WIPF2: variants seen among roughly 807,000 people sequenced by gnomAD.
WIPF2 encodes WAS/WASL interacting protein family member 2.
In WIPF2, 23 loss-of-function variants were observed where a neutral mutation model predicts 38.8. The ratio of observed to expected loss-of-function variants is 0.59; its 90% CI spans 0.43 to 0.84. WIPF2 has a LOEUF of 0.84. Among genes scored for constraint, WIPF2 ranks in the 40% least tolerant of loss-of-function variants. The pLI, the probability that WIPF2 is intolerant of heterozygous loss-of-function variation, is 0.00. For missense variants in WIPF2, 574 were observed against 580.5 expected (o/e 0.99, Z 0.11); for synonymous variants, 210 against 223.2 (o/e 0.94, Z 0.53).
At chr17:40,234,581 C>T (rs1235551299) in intron 1 of WIPF2, among the ~76,000 whole-genome samples, 1 of 152,006 alleles carries the variant, frequency 6.6e-6, no homozygotes, top group East Asian at 1.9e-4. Context: ...GCCATGATCA[C>T]ACCACTGCAC....
intron 3 of WIPF2, among the ~76,000 whole-genome samples, chr17:40,261,672 TTTTTTTTTGG>T (rs2031905740): frequency 6.9e-6 from 1 of 145,548 alleles, no homozygotes; most frequent in African/African-American, 2.6e-5. Context: ...GTTGTTGTTT[TTTTTTTTTGG>T]TTTTTTTTGT....
In WIPF2 at chr17:40,254,099, C is replaced by T. The variant is rs954126991; in HGVS notation, c.-69-2292C>T. ...TGGTGCGTTCTGGGCTTACTGCAAC[C>T]TCCGCCTCCCGGGTTCAAGCAACTC... On this transcript the variant is annotated intron_variant, in intron 1 of 7. Coordinates refer to ENST00000323571, the MANE Select transcript of WIPF2 (RefSeq NM_133264.5). Among the ~76,000 whole-genome samples, 7 of 151,718 alleles carry T rather than the reference C, an allele frequency of 4.6e-5. No individual in the cohort carries two copies. The East Asian group carries it at 7.7e-4, about 17-fold the overall frequency.
Position 40,219,404 on chromosome 17 carries a change from C to T in WIPF2, c.-158C>T. 4 of 406,568 alleles carry T rather than the reference C, an allele frequency of 9.8e-6. No homozygotes were observed. The highest frequency in any genetic ancestry group is 5.5e-5 in the East Asian group (1 of 18,116). The allele number at this position is 406,568 out of a possible 1,614,324, so 25.2% of individuals were successfully genotyped here. On this transcript the variant is annotated 5_prime_UTR_variant, in exon 1 of 8. Coordinates refer to ENST00000323571, the MANE Select transcript of WIPF2 (RefSeq NM_133264.5). Reference sequence around the variant, plus strand: ...GCGGCGGCGGCGGCGGCGGCGACGGCGAGAAAGAGCTTGCCGGGGGGCGAG... The same window carrying T: ...GCGGCGGCGGCGGCGGCGGCGACGGTGAGAAAGAGCTTGCCGGGGGGCGAG...
intron 1 of WIPF2, among the ~76,000 whole-genome samples, chr17:40,225,508 C>A (rs2145273713): frequency 6.6e-6 from 1 of 152,288 alleles, no homozygotes; most frequent in Admixed American, 6.5e-5. Flanking sequence ...GAATTGGTTT[C>A]TTCCTTGCCA....
At chr17:40,266,454 A>G (rs545183286) in intron 5 of WIPF2, among the ~76,000 whole-genome samples, 3 of 152,292 alleles carry the variant, frequency 2.0e-5, no homozygotes, top group Non-Finnish European at 2.9e-5. Context: ...AAGAACTGGC[A>G]TTGGTCTTAG....
At position 40,278,277 on chromosome 17, in the gene WIPF2, C is replaced by G. The variant is rs2032469319; in HGVS notation, c.*52C>G. The G allele has an allele frequency of 1.3e-6, 2 of 1,593,268 alleles. No homozygotes were observed. The highest frequency in any genetic ancestry group is 1.1e-5 in the South Asian group (1 of 89,240). On this transcript the variant is annotated 3_prime_UTR_variant, in exon 8 of 8. Coordinates refer to ENST00000323571, the MANE Select transcript of WIPF2 (RefSeq NM_133264.5). ...AAAAGGATGGACCTTCTCTTCTTCT[C>G]AGATGGTCCCTTCCATTCCCCTGAA...
In WIPF2 at chr17:40,227,333, C is replaced by T. The variant is rs368658630; in HGVS notation, c.-70+7841C>T. On this transcript the variant is annotated intron_variant, in intron 1 of 7. Transcript: ENST00000323571. Reference sequence around the variant, plus strand: ...GGATTACAGGTGTGAGTCACTGCTCCTGGCCACAAATGTTATATTTTAAAT... The same window carrying T: ...GGATTACAGGTGTGAGTCACTGCTCTTGGCCACAAATGTTATATTTTAAAT... Among the ~76,000 whole-genome samples the T allele has an allele frequency of 2.6e-5, 4 of 152,146 alleles. No individual in the cohort carries two copies. The East Asian group carries it at 7.7e-4, about 29-fold the overall frequency.
intron 1 of WIPF2, among the ~76,000 whole-genome samples, chr17:40,246,747 C>G (rs1454365351): frequency 6.6e-6 from 1 of 152,078 alleles, no homozygotes; most frequent in Non-Finnish European, 1.5e-5. Flanking sequence ...CAAGTGACTG[C>G]TGAGCAGCTA....
intron 1 of WIPF2, among the ~76,000 whole-genome samples, chr17:40,228,716 C>A (rs948230850): frequency 2.0e-5 from 3 of 151,814 alleles, no homozygotes; most frequent in African/African-American, 7.3e-5. Context: ...GTAGCCTCAA[C>A]CTTCTGGGCT....
At chr17:40,223,888 G>T (rs1240183155) in intron 1 of WIPF2, among the ~76,000 whole-genome samples, 1 of 151,246 alleles carries the variant, frequency 6.6e-6, no homozygotes, top group African/African-American at 2.4e-5. Context: ...CCCGGCCCGA[G>T]AAAATTATTA....
intron 1 of WIPF2, among the ~76,000 whole-genome samples, chr17:40,256,011 T>A (rs1222875177): frequency 6.7e-6 from 1 of 148,432 alleles, no homozygotes; most frequent in Non-Finnish European, 1.5e-5. Flanking sequence ...GGAGGATTGC[T>A]GGGGCTCAGG....
intron 6 of WIPF2, among the ~76,000 whole-genome samples, chr17:40,275,990 T>C (rs1310354349): frequency 6.6e-6 from 1 of 152,190 alleles, no homozygotes; most frequent in African/African-American, 2.4e-5. Context: ...ACCTTTGGGA[T>C]GTGATCAAGC....
intron 1 of WIPF2, among the ~76,000 whole-genome samples, chr17:40,250,033 C>CA (rs2031501936): frequency 6.6e-6 from 1 of 150,874 alleles, no homozygotes; most frequent in Non-Finnish European, 1.5e-5. Context: ...AGGGTTTCAC[C>CA]ATGTTGCCCA....
chr17:40,259,046 AG>A (rs1431154509), intron 2 of WIPF2, among the ~76,000 whole-genome samples: 1 of 142,722 alleles, frequency 7.0e-6, no homozygotes, highest in Non-Finnish European at 1.5e-5. Context: ...AAAAAAGATA[AG>A]TTTTTTTTTT....
At chr17:40,231,677 C>T (rs764299903) in intron 1 of WIPF2, among the ~76,000 whole-genome samples, 32 of 152,020 alleles carry the variant, frequency 2.1e-4, no homozygotes, top group Admixed American at 4.6e-4. Flanking sequence ...CCCGCCTTGG[C>T]GCCTCAAAGT....
intron 1 of WIPF2, among the ~76,000 whole-genome samples, chr17:40,239,652 G>A (rs982716270): frequency 1.3e-5 from 2 of 150,676 alleles, no homozygotes; most frequent in Admixed American, 6.6e-5. Context: ...ACTGCCCTTA[G>A]CTGTGACTAG....
chr17:40,260,012 A>C (rs1347826658), intron 2 of WIPF2, among the ~76,000 whole-genome samples: 1 of 152,068 alleles, frequency 6.6e-6, no homozygotes, highest in Non-Finnish European at 1.5e-5. Context: ...TCTGAATAAG[A>C]AGGAAATGGA....
chr17:40,227,730 G>T (rs1159134242), intron 1 of WIPF2, among the ~76,000 whole-genome samples: 1 of 151,978 alleles, frequency 6.6e-6, no homozygotes, highest in African/African-American at 2.4e-5. Flanking sequence ...GTGTGTGCCT[G>T]TAGTCCCAGT....
chr17:40,267,578 C>T (rs527795995), intron 5 of WIPF2, among the ~76,000 whole-genome samples: 15 of 152,242 alleles, frequency 9.9e-5, no homozygotes, highest in South Asian at 2.1e-4. Flanking sequence ...CTTGCTCTTT[C>T]GCCCAGGCTG....
Sources: gnomAD v4.1 joint callset for allele counts (sites outside exome capture counted in the v4.1 genomes callset) on GRCh38, gnomAD v4.1.1 for gene constraint, MANE v1.5 for transcripts, NCBI Gene and HGNC (gene_info 2026-07-23, HGNC 2026-07-21) for gene names.